PCMT1: variants seen among roughly 807,000 people sequenced by gnomAD.
The protein encoded by PCMT1 is protein-L-isoaspartate (D-aspartate) O-methyltransferase.
A neutral mutation model predicts 29.2 loss-of-function variants in PCMT1; 9 were observed. The ratio of observed to expected loss-of-function variants is 0.31; its 90% CI spans 0.19 to 0.54. The LOEUF (loss-of-function observed/expected upper bound fraction) is 0.54. Ranked by LOEUF, PCMT1 falls within the 20% of genes least tolerant of loss-of-function variation. The pLI is 0.95. For missense variants in PCMT1, 184 were observed against 282.2 expected (o/e 0.65, Z 2.49); for synonymous variants, 98 against 97.5 (o/e 1.00, Z -0.03).
At chr6:149,769,120 C>G (rs1404473952) in intron 1 of PCMT1, among the ~76,000 whole-genome samples, 2 of 151,690 alleles carry the variant, frequency 1.3e-5, no homozygotes, top group African/African-American at 4.8e-5. Flanking sequence ...ATTTAGTTTT[C>G]TTTTTACATT....
intron 1 of PCMT1, among the ~76,000 whole-genome samples, chr6:149,767,218 AAAAG>A (rs147691090): frequency 0.013 from 1,960 of 151,808 alleles, 49 homozygotes; most frequent in African/African-American, 0.045. Context: ...AAAAAAAAGA[AAAAG>A]AAATTCATTC....
chr6:149,765,409 A>G (rs1051602197), intron 1 of PCMT1, among the ~76,000 whole-genome samples: 1 of 151,184 alleles, frequency 6.6e-6, no homozygotes, highest in South Asian at 2.1e-4. Flanking sequence ...TTTTATTCTA[A>G]TTACCTTTTT....
At chr6:149,756,705 G>A (rs1304080086) in intron 1 of PCMT1, among the ~76,000 whole-genome samples, 1 of 151,248 alleles carries the variant, frequency 6.6e-6, no homozygotes, top group Admixed American at 6.6e-5. Flanking sequence ...GTATGCACAT[G>A]GGAAAAATAG....
At chr6:149,758,200 C>CTTTT (rs1786589755) in intron 1 of PCMT1, among the ~76,000 whole-genome samples, 7 of 67,856 alleles carry the variant, frequency 1.0e-4, no homozygotes, top group East Asian at 1.2e-3. Context: ...TTTTTTCTTT[C>CTTTT]TTTCTTTCTT....
intron 7 of PCMT1, among the ~76,000 whole-genome samples, chr6:149,806,359 G>A (rs1425208870): frequency 6.6e-6 from 1 of 152,184 alleles, no homozygotes; most frequent in Admixed American, 6.6e-5. Context: ...ACTAGCCTGG[G>A]AAGGGACAAA....
In PCMT1 at chr6:149,770,948, G is replaced by A. The variant is rs537684076; in HGVS notation, c.56-214G>A. Among the ~76,000 whole-genome samples the A allele has an allele frequency of 5.9e-5, 9 of 151,820 alleles. No homozygotes were observed. The East Asian group carries it at 7.8e-4, about 13-fold the overall frequency. On this transcript the variant is annotated intron_variant, in intron 1 of 7. Coordinates refer to ENST00000464889, the MANE Select transcript of PCMT1 (RefSeq NM_001360452.2). ...CAGGAGGCAGAGCTTGCAGTGAGCC[G>A]AGATTGCGCCACTGCACTCCAGCCT... is the stretch of plus-strand genomic sequence containing the variant.
At chr6:149,755,611 C>G (rs1320236618) in intron 1 of PCMT1, among the ~76,000 whole-genome samples, 1 of 152,058 alleles carries the variant, frequency 6.6e-6, no homozygotes, top group Non-Finnish European at 1.5e-5. Context: ...AGTCCATTCC[C>G]CTAATGATCA....
At chr6:149,757,222 C>T (rs1029952256) in intron 1 of PCMT1, among the ~76,000 whole-genome samples, 9 of 152,054 alleles carry the variant, frequency 5.9e-5, no homozygotes, top group African/African-American at 2.2e-4. Flanking sequence ...TTCAAGAGCT[C>T]AGTAGCCACA....
chr6:149,785,049 TAAAG>T (rs1482400046), intron 3 of PCMT1, among the ~76,000 whole-genome samples: 5 of 151,910 alleles, frequency 3.3e-5, no homozygotes, highest in African/African-American at 4.8e-5. Flanking sequence ...TTTTAATTTT[TAAAG>T]AAAGACCCCT....
Position 149,769,308 on chromosome 6 carries a change from C to CTTTT in PCMT1, c.56-1833_56-1830dup, listed in dbSNP as rs372773939. ...AGTTAGCACCTATTTGTGCAGGATT[C>CTTTT]TTTTTTTTTTTTTTTTTTTTTTTTG... On this transcript the variant is annotated intron_variant, in intron 1 of 7. Transcript: ENST00000464889. Among the ~76,000 whole-genome samples, 554 of 71,504 alleles carry CTTTT rather than the reference C, an allele frequency of 7.7e-3. 137 individuals carry two copies. The highest frequency in any genetic ancestry group is 0.046 in the African/African-American group (537 of 11,658). The allele number at this position is 71,504 out of a possible 152,430, so 46.9% of individuals were successfully genotyped here.
intron 1 of PCMT1, among the ~76,000 whole-genome samples, chr6:149,759,180 G>T (rs1583005090): frequency 6.6e-6 from 1 of 151,764 alleles, no homozygotes; most frequent in South Asian, 2.1e-4. Context: ...CGGCCATGTT[G>T]TGAATTTAAA....
At chr6:149,769,681 C>G (rs191839332) in intron 1 of PCMT1, among the ~76,000 whole-genome samples, 108 of 151,746 alleles carry the variant, frequency 7.1e-4, no homozygotes, top group African/African-American at 2.6e-3. Flanking sequence ...TCACTATAAT[C>G]TCAAACTCCT....
Position 149,751,847 on chromosome 6 carries a change from A to T in PCMT1, c.55+1891A>T, listed in dbSNP as rs144328444. Among the ~76,000 whole-genome samples, 1,107 of 150,776 alleles carry T rather than the reference A, an allele frequency of 7.3e-3. 21 individuals carry two copies. Among genetic ancestry groups the T allele is most frequent in the African/African-American group, 0.026 (1,075 of 41,042 alleles). ...GGGACAATACTTAATGTGGAAACTG[A>T]GTCTTTAGTGTTTGGTAAGAGAGAA... On this transcript the variant is annotated intron_variant, in intron 1 of 7. Coordinates refer to ENST00000464889, the MANE Select transcript of PCMT1 (RefSeq NM_001360452.2).
At chr6:149,765,634 TCGTTA>T (rs1787047661) in intron 1 of PCMT1, 1 of 369,226 alleles carries the variant, frequency 2.7e-6, no homozygotes, top group Admixed American at 3.6e-5. Context: ...CTTTATAGTG[TCGTTA>T]ATTGACCTTA....
intron 3 of PCMT1, among the ~76,000 whole-genome samples, chr6:149,778,993 T>C (rs9505973): frequency 7.2e-5 from 11 of 152,316 alleles, no homozygotes; most frequent in African/African-American, 2.6e-4. Context: ...AGTATAATGG[T>C]AGAAAAATTT....
intron 3 of PCMT1, among the ~76,000 whole-genome samples, chr6:149,784,724 A>G (rs891188337): frequency 1.3e-5 from 2 of 152,130 alleles, no homozygotes; most frequent in African/African-American, 2.4e-5. Context: ...TCGGCCTCCC[A>G]AAGACTGGGA....
intron 3 of PCMT1, among the ~76,000 whole-genome samples, chr6:149,782,629 C>T (rs534634566): frequency 2.0e-5 from 3 of 152,000 alleles, no homozygotes; most frequent in Admixed American, 6.6e-5. Flanking sequence ...GAAGGACATA[C>T]GAGCAGATTT....
At chr6:149,771,904 T>C in intron 2 of PCMT1, 1 of 446,592 alleles carries the variant, frequency 2.2e-6, no homozygotes, top group South Asian at 1.6e-5. Flanking sequence ...AAAGATTAGT[T>C]TTCAGGTTAG....
intron 3 of PCMT1, among the ~76,000 whole-genome samples, chr6:149,777,838 C>CTCCTTCCT (rs57578249): frequency 7.2e-6 from 1 of 139,444 alleles, no homozygotes; most frequent in African/African-American, 2.7e-5. Flanking sequence ...CTTTCTTTTT[C>CTCCTTCCT]TCCTTCCTTC....
Sources: gnomAD v4.1 joint callset for allele counts (sites outside exome capture counted in the v4.1 genomes callset) on GRCh38, gnomAD v4.1.1 for gene constraint, MANE v1.5 for transcripts, NCBI Gene and HGNC (gene_info 2026-07-23, HGNC 2026-07-21) for gene names.